Variants in NKAIN2 observed in about 807,000 individuals in gnomAD.
The protein encoded by NKAIN2 is sodium/potassium-transporting ATPase subunit beta-1-interacting protein 2.
Under a neutral mutation model 32.6 loss-of-function variants are expected in NKAIN2, and 14 were observed. That is an observed-to-expected ratio of 0.43 (90% CI 0.28 to 0.67). The LOEUF is 0.67. Ranked by LOEUF, NKAIN2 falls within the 30% of genes least tolerant of loss-of-function variation. The pLI is 0.17. For synonymous variants in NKAIN2, 80 were observed against 87.2 expected, an observed-to-expected ratio of 0.92 and a Z score of 0.46; for missense variants, 198 against 258.3, an observed-to-expected ratio of 0.77 and a Z score of 1.60.
intron 4 of NKAIN2, among the ~76,000 whole-genome samples, chr6:124,662,377 G>C (rs1344906205): frequency 6.6e-6 from 1 of 152,106 alleles, no homozygotes; most frequent in African/African-American, 2.4e-5. Context: ...GTGTACAAAT[G>C]AGCAGGGAAG....
At chr6:124,753,213 C>T (rs867097615) in intron 4 of NKAIN2, among the ~76,000 whole-genome samples, 1 of 152,104 alleles carries the variant, frequency 6.6e-6, no homozygotes. Flanking sequence ...ATGTAAAAGT[C>T]TCTAATCCTC....
intron 1 of NKAIN2, among the ~76,000 whole-genome samples, chr6:123,873,456 CTTTGT>C (rs775623700): frequency 6.6e-6 from 1 of 152,080 alleles, no homozygotes; most frequent in Admixed American, 6.5e-5. Flanking sequence ...GTTTCTTTCA[CTTTGT>C]TTTAAGAGTC....
chr6:124,473,159 G>A (rs1777044403), intron 3 of NKAIN2, among the ~76,000 whole-genome samples: 1 of 152,154 alleles, frequency 6.6e-6, no homozygotes, highest in African/African-American at 2.4e-5. Context: ...AAAAGGACCA[G>A]GGATTAATGA....
chr6:124,321,824 A>T (rs1797206190), intron 2 of NKAIN2, among the ~76,000 whole-genome samples: 1 of 152,180 alleles, frequency 6.6e-6, no homozygotes, highest in Non-Finnish European at 1.5e-5. Context: ...TGCTCAGAAA[A>T]TACTATGCTG....
At chr6:124,818,178 C>G (rs1409539549) in intron 5 of NKAIN2, among the ~76,000 whole-genome samples, 4 of 152,056 alleles carry the variant, frequency 2.6e-5, no homozygotes, top group Non-Finnish European at 5.9e-5. Context: ...ATAATTGAAT[C>G]TTACAATGAG....
intron 1 of NKAIN2, among the ~76,000 whole-genome samples, chr6:123,935,047 A>AATATATATTATATATATATTTCTAT (rs1382864503): frequency 6.8e-6 from 1 of 147,562 alleles, no homozygotes; most frequent in Non-Finnish European, 1.5e-5. Flanking sequence ...ATATAATTGA[A>AATATATATTATATATATATTTCTAT]ATATATATTA....
chr6:124,417,384 A>T (rs1774538563), intron 3 of NKAIN2, among the ~76,000 whole-genome samples: 1 of 152,220 alleles, frequency 6.6e-6, no homozygotes, highest in African/African-American at 2.4e-5. Context: ...GAATAAGTGT[A>T]GTTGAAGATA....
chr6:124,699,435 ATC>A (rs1301921526), intron 4 of NKAIN2, among the ~76,000 whole-genome samples: 16 of 152,222 alleles, frequency 1.1e-4, no homozygotes, highest in Non-Finnish European at 1.9e-4. Flanking sequence ...TACGGTTTTG[ATC>A]TCTGTCCCTG....
In NKAIN2 at chr6:124,416,602, G is replaced by T. The variant is rs190019244; in HGVS notation, c.273+61255G>T. Among the ~76,000 whole-genome samples, 40 of 152,286 alleles carry T rather than the reference G, an allele frequency of 2.6e-4. No homozygotes were observed. The East Asian group carries it at 4.6e-3, about 18-fold the overall frequency. ...TGTGATGATCCAGGATAGTGCCACT[G>T]CACTCTAGCCTGGGTGACAAAGCAA... On this transcript the variant is annotated intron_variant, in intron 3 of 6. Transcript: ENST00000368417.
At chr6:123,909,757 T>C (rs144980350) in intron 1 of NKAIN2, among the ~76,000 whole-genome samples, 88 of 152,194 alleles carry the variant, frequency 5.8e-4, no homozygotes, top group African/African-American at 2.1e-3. Flanking sequence ...TATCACAGAG[T>C]ACAAAGAAAT....
chr6:124,658,354 G>T lies in NKAIN2; in HGVS notation c.442G>T (p.Val148Leu), dbSNP rs778278992. Residue 148 changes from valine (V) to leucine (L), a missense_variant, in exon 4 of 7, where the codon GTG becomes TTG. Transcript: ENST00000368417. ...GCLLEYQYIE[V>L]AHSSLQIVLA... The stretch of plus-strand genomic sequence containing the variant: ...TTTGCTGGAGTACCAGTACATAGAA[G>T]TGGCTCATAGTTCCCTCCAGATTGT... The T allele has an allele frequency of 3.7e-6, 6 of 1,614,118 alleles. 1 individual carries two copies. In the South Asian group the frequency reaches 6.6e-5, roughly 18 times the overall value.
chr6:123,974,562 A>G (rs1424945967), intron 1 of NKAIN2, among the ~76,000 whole-genome samples: 3 of 152,114 alleles, frequency 2.0e-5, no homozygotes, highest in Non-Finnish European at 4.4e-5. Context: ...CAAAAACCCA[A>G]TGTCAAAATG....
intron 4 of NKAIN2, 41 bp downstream of exon 4, chr6:124,658,427 GGTT>G (rs778472343): frequency 2.5e-6 from 4 of 1,613,834 alleles, no homozygotes; most frequent in African/African-American, 1.3e-5. Context: ...GTGCCTCTGG[GGTT>G]GTTTTATTTC....
intron 3 of NKAIN2, among the ~76,000 whole-genome samples, chr6:124,542,197 T>C (rs991082854): frequency 1.3e-5 from 2 of 152,146 alleles, no homozygotes; most frequent in East Asian, 3.8e-4. Context: ...AATTTAAATA[T>C]GTTGCATTTT....
chr6:124,677,008 G>A (rs146873907), intron 4 of NKAIN2, among the ~76,000 whole-genome samples: 43 of 152,084 alleles, frequency 2.8e-4, no homozygotes, highest in South Asian at 1.9e-3. Context: ...TCGCTCTGTC[G>A]CCCAGACTGG....
intron 3 of NKAIN2, among the ~76,000 whole-genome samples, chr6:124,610,834 C>T (rs995637261): frequency 6.6e-6 from 1 of 151,778 alleles, no homozygotes; most frequent in Non-Finnish European, 1.5e-5. Context: ...TATTTTATGA[C>T]TTTTTTTTAA....
At chr6:123,827,893 C>A (rs149067236) in intron 1 of NKAIN2, among the ~76,000 whole-genome samples, 3,751 of 150,964 alleles carry the variant, frequency 0.025, 68 homozygotes, top group Middle Eastern at 0.044. Flanking sequence ...CTCTCTCTCT[C>A]TCTATATATA....
intron 2 of NKAIN2, among the ~76,000 whole-genome samples, chr6:124,313,474 G>T (rs928530472): frequency 2.0e-5 from 3 of 152,060 alleles, no homozygotes. Flanking sequence ...AATTTACCAT[G>T]TATCATTCCC....
At chr6:124,206,713 T>A (rs548443195) in intron 1 of NKAIN2, among the ~76,000 whole-genome samples, 3 of 152,020 alleles carry the variant, frequency 2.0e-5, no homozygotes, top group Admixed American at 2.0e-4. Flanking sequence ...TTAATATCTT[T>A]CTTTTCTTTC....
Sources: gnomAD v4.1 joint callset for allele counts (sites outside exome capture counted in the v4.1 genomes callset) on GRCh38, gnomAD v4.1.1 for gene constraint, MANE v1.5 for transcripts, NCBI Gene and HGNC (gene_info 2026-07-23, HGNC 2026-07-21) for gene names.